ADAMTS19: variants seen among roughly 807,000 people sequenced by gnomAD.
ADAMTS19 encodes the protein A disintegrin and metalloproteinase with thrombospondin motifs 19.
ADAMTS19 carries 93 observed loss-of-function variants against 153.3 expected under a neutral mutation model. The ratio of observed to expected loss-of-function variants is 0.61; its 90% confidence interval spans 0.51 to 0.72. ADAMTS19 has a LOEUF of 0.72. ADAMTS19 is among the 30% of genes least tolerant of loss of function. The pLI is 0.00. For synonymous variants in ADAMTS19, 600 were observed against 556.6 expected (o/e 1.08, Z -1.10); for missense variants, 1,482 against 1,552.1 (o/e 0.95, Z 0.76).
At chr5:129,506,024 T>G (rs1490188730) in intron 2 of ADAMTS19, among the ~76,000 whole-genome samples, 1 of 152,208 alleles carries the variant, frequency 6.6e-6, no homozygotes, top group Non-Finnish European at 1.5e-5. Flanking sequence ...AATTGTGGAT[T>G]GCCCAGCACA....
chr5:129,661,482 A>G (rs1177221889), intron 15 of ADAMTS19, among the ~76,000 whole-genome samples: 1 of 152,138 alleles, frequency 6.6e-6, no homozygotes, highest in Non-Finnish European at 1.5e-5. Context: ...AATTTTTTGA[A>G]GGCCATACAG....
chr5:129,682,004 T>C (rs435663), intron 17 of ADAMTS19, among the ~76,000 whole-genome samples: 22,427 of 152,156 alleles, frequency 0.15, 1,825 homozygotes, highest in East Asian at 0.3. Flanking sequence ...TAACCTCCCC[T>C]GTTTTTATTT....
chr5:129,622,935 T>G (rs1333313166), intron 10 of ADAMTS19, among the ~76,000 whole-genome samples: 1 of 152,142 alleles, frequency 6.6e-6, no homozygotes, highest in East Asian at 1.9e-4. Flanking sequence ...TGTGGTTGGT[T>G]GGATCCCTGG....
At position 129,620,757 on chromosome 5, in the gene ADAMTS19, A is replaced by G; in HGVS notation, c.1618A>G (p.Arg540Gly). ...CAAGGAAGATTTGGAAAGATTTCTC[A>G]GGTATGGAGGTCACTTATTGTTTTT... ...CSKEDLERFL[R>G]SKASNCLLQT... Residue 540 changes from arginine to glycine, a missense_variant and splice_region_variant, in exon 9 of 23, where the codon AGG becomes GGG. By Grantham distance (125) the Arg-to-Gly change is moderately radical. Coordinates refer to ENST00000274487, the MANE Select transcript of ADAMTS19 (RefSeq NM_133638.6). The G allele has an allele frequency of 6.2e-7, 1 of 1,611,672 alleles. No homozygotes were observed. Among genetic ancestry groups the G allele is most frequent in the Non-Finnish European group, 8.5e-7 (1 of 1,178,602 alleles).
chr5:129,499,585 T>C (rs1182977454), intron 2 of ADAMTS19, among the ~76,000 whole-genome samples: 1 of 152,140 alleles, frequency 6.6e-6, no homozygotes, highest in Admixed American at 6.6e-5. Context: ...CCATATATTT[T>C]TCATTTGTAG....
At chr5:129,662,508 G>C (rs1253485446) in intron 15 of ADAMTS19, among the ~76,000 whole-genome samples, 1 of 152,144 alleles carries the variant, frequency 6.6e-6, no homozygotes, top group East Asian at 1.9e-4. Context: ...CTCAATAATA[G>C]AGAATCGCTG....
intron 21 of ADAMTS19, among the ~76,000 whole-genome samples, chr5:129,717,848 AAC>A (rs1386150524): frequency 6.6e-6 from 1 of 152,194 alleles, no homozygotes; most frequent in Non-Finnish European, 1.5e-5. Context: ...CAGAACAAAA[AAC>A]ACACAGTTCT....
At chr5:129,688,597 T>C (rs1387490728) in intron 18 of ADAMTS19, among the ~76,000 whole-genome samples, 2 of 152,218 alleles carry the variant, frequency 1.3e-5, no homozygotes. Flanking sequence ...GAAAATTCTC[T>C]CTTTTAAAAG....
Position 129,509,221 on chromosome 5 carries a change from C to T in ADAMTS19, c.892C>T (p.His298Tyr), listed in dbSNP as rs1387736134. Residue 298 changes from histidine (H) to tyrosine (Y), a missense_variant, in exon 3 of 23, where the codon CAT (histidine) becomes TAT (tyrosine). Coordinates refer to ENST00000274487, the MANE Select transcript of ADAMTS19 (RefSeq NM_133638.6). The stretch of plus-strand genomic sequence containing the variant: ...CACAGAGAAGTCAGCTCTTCACAGT[C>T]ATTACTGTGGTATCATTTCAGGTAA... ...KVTEKSALHS[H>Y]YCGIISDKGR... is the part of the protein sequence containing the mutation. The T allele has an allele frequency of 6.8e-6, 11 of 1,611,428 alleles. No individual in the cohort carries two copies. In the Admixed American group the frequency reaches 1.0e-4, roughly 15 times the overall value.
intron 2 of ADAMTS19, among the ~76,000 whole-genome samples, chr5:129,496,147 T>A (rs977730538): frequency 5.3e-5 from 8 of 152,078 alleles, no homozygotes; most frequent in African/African-American, 1.9e-4. Context: ...TTGGGTTTTA[T>A]TTATGTCATT....
intron 7 of ADAMTS19, among the ~76,000 whole-genome samples, chr5:129,592,108 T>G (rs1484547072): frequency 2.0e-5 from 3 of 152,270 alleles, no homozygotes; most frequent in South Asian, 2.1e-4. Context: ...CTGGGTGCAG[T>G]GGCTCACGTT....
At chr5:129,541,287 T>C (rs1201312681) in intron 6 of ADAMTS19, among the ~76,000 whole-genome samples, 2 of 151,972 alleles carry the variant, frequency 1.3e-5, no homozygotes, top group Non-Finnish European at 2.9e-5. Flanking sequence ...GTCATAGTTT[T>C]ATCGTGTTGT....
At chr5:129,625,959 G>C (rs1752024616) in intron 10 of ADAMTS19, among the ~76,000 whole-genome samples, 1 of 152,020 alleles carries the variant, frequency 6.6e-6, no homozygotes, top group South Asian at 2.1e-4. Context: ...TTTTCTTCTA[G>C]GGTTTTTATG....
At chr5:129,470,213 T>C (rs1022134933) in intron 2 of ADAMTS19, among the ~76,000 whole-genome samples, 3 of 152,220 alleles carry the variant, frequency 2.0e-5, no homozygotes, top group African/African-American at 7.2e-5. Context: ...TATAAGAGCC[T>C]GAAAATATGT....
At chr5:129,481,159 G>C (rs987918070) in intron 2 of ADAMTS19, among the ~76,000 whole-genome samples, 5 of 152,150 alleles carry the variant, frequency 3.3e-5, no homozygotes, top group Non-Finnish European at 7.4e-5. Context: ...TCACGGTTCA[G>C]CATGGCTGGG....
chr5:129,645,079 C>A (rs182570036), intron 11 of ADAMTS19, among the ~76,000 whole-genome samples: 224 of 152,272 alleles, frequency 1.5e-3, no homozygotes, highest in Admixed American at 3.5e-3. Context: ...ACTTCCTATA[C>A]ATGTCCACAT....
At chr5:129,473,929 A>G (rs902591330) in intron 2 of ADAMTS19, among the ~76,000 whole-genome samples, 4 of 152,086 alleles carry the variant, frequency 2.6e-5, no homozygotes, top group African/African-American at 9.7e-5. Flanking sequence ...TATAATTTAC[A>G]TACCCTAAAA....
intron 11 of ADAMTS19, among the ~76,000 whole-genome samples, chr5:129,642,355 C>A (rs955936489): frequency 1.3e-5 from 2 of 151,918 alleles, no homozygotes; most frequent in African/African-American, 4.8e-5. Flanking sequence ...AGGAGAGCAA[C>A]TGAGTATTTT....
chr5:129,635,540 T>C (rs1345039605), intron 10 of ADAMTS19, among the ~76,000 whole-genome samples: 1 of 152,104 alleles, frequency 6.6e-6, no homozygotes, highest in Admixed American at 6.6e-5. Context: ...ATAAAGAAAA[T>C]GTGGAACATA....
Sources: allele counts gnomAD v4.1 joint callset (sites outside exome capture counted in the v4.1 genomes callset), GRCh38; gene constraint gnomAD v4.1.1; transcripts MANE v1.5; gene names NCBI Gene and HGNC (gene_info 2026-07-23, HGNC 2026-07-21).